Variants in BLTP1 observed in about 807,000 individuals in gnomAD.
BLTP1 encodes bridge-like lipid transfer protein family member 1, also known as fragile site-associated protein.
chr4:122,317,448 C>T, the BLTP1 span, among the ~76,000 whole-genome samples: 1 of 152,000 alleles, frequency 6.6e-6, no homozygotes, highest in Admixed American at 6.6e-5. Context: ...TGTATTTACT[C>T]TTATATGTAT....
the BLTP1 span, chr4:122,349,568 T>C: frequency 1.2e-6 from 2 of 1,612,524 alleles, no homozygotes; most frequent in East Asian, 4.5e-5. This position sits in a 1 kb window ranked among gnomAD's most constrained non-coding sequence, Gnocchi z 4.5. Flanking sequence ...TCTTCAGTAA[T>C]GCTGATCTTA....
At chr4:122,352,885 T>C in the BLTP1 span, 5 of 1,612,262 alleles carry the variant, frequency 3.1e-6, no homozygotes, top group Non-Finnish European at 4.2e-6. Flanking sequence ...AGGATATGTG[T>C]TTTTTGGTTT....
chr4:122,282,111 T>G, the BLTP1 span: 1 of 978,676 alleles, frequency 1.0e-6, no homozygotes, highest in Non-Finnish European at 1.2e-6. Context: ...TCACATTGGG[T>G]TCATTTAGCT....
At chr4:122,352,424 A>G in the BLTP1 span, among the ~76,000 whole-genome samples, 1 of 141,362 alleles carries the variant, frequency 7.1e-6, no homozygotes, top group Non-Finnish European at 1.5e-5. Flanking sequence ...CAGTGGCACG[A>G]TCTCAGCTCA....
the BLTP1 span, chr4:122,244,718 A>T: frequency 1.6e-6 from 1 of 630,062 alleles, no homozygotes; most frequent in African/African-American, 2.0e-5. Flanking sequence ...TATACTATTA[A>T]GATTCTTATG....
chr4:122,208,359 C>G, the BLTP1 span: 7 of 979,648 alleles, frequency 7.1e-6, no homozygotes, highest in African/African-American at 1.2e-4. Context: ...TTTAACCACT[C>G]TACCTTGCTG....
At chr4:122,162,657 A>T in the BLTP1 span, 3 of 985,016 alleles carry the variant, frequency 3.0e-6, no homozygotes. Flanking sequence ...GCTAGCTGTT[A>T]TTAACACAAA....
chr4:122,282,013 C>T, the BLTP1 span: 7 of 981,880 alleles, frequency 7.1e-6, no homozygotes, highest in Non-Finnish European at 8.5e-6. Flanking sequence ...CTATGGAGGC[C>T]ATTTCTCCAA....
At chr4:122,154,555 A>G in the BLTP1 span, 1 of 877,998 alleles carries the variant, frequency 1.1e-6, no homozygotes, top group Non-Finnish European at 1.4e-6. Context: ...TAATCTACCT[A>G]TGTTTGTAAA....
chr4:122,167,544 G>A, the BLTP1 span: 12 of 339,712 alleles, frequency 3.5e-5, no homozygotes, highest in Non-Finnish European at 5.0e-5. Context: ...TAATCTGGTT[G>A]CTTCTCCTGT....
chr4:122,353,911 T>A, the BLTP1 span: 1 of 1,613,996 alleles, frequency 6.2e-7, no homozygotes, highest in Non-Finnish European at 8.5e-7. This position sits in a 1 kb window ranked among gnomAD's most constrained non-coding sequence, Gnocchi z 4.3. Context: ...TGGAAAGTCC[T>A]ATGGCAACAA....
chr4:122,172,531 T>G, the BLTP1 span: 1 of 168,060 alleles, frequency 6.0e-6, no homozygotes, highest in African/African-American at 2.4e-5. Context: ...ACAGGTGGCC[T>G]ATTTGATATG....
At chr4:122,155,840 G>A in the BLTP1 span, 1 of 174,518 alleles carries the variant, frequency 5.7e-6, no homozygotes, top group Non-Finnish European at 1.1e-5. Context: ...TATCCAGGTG[G>A]GAAATGAGAA....
the BLTP1 span, chr4:122,174,127 G>A: frequency 1.2e-6 from 1 of 868,824 alleles, no homozygotes; most frequent in Non-Finnish European, 1.4e-6. Flanking sequence ...TGACTGGAGA[G>A]AACCATTCTA....
chr4:122,153,865 G>GTT, the BLTP1 span: 1 of 361,578 alleles, frequency 2.8e-6, no homozygotes, highest in Non-Finnish European at 3.8e-6. Context: ...AGGAGTATTT[G>GTT]TTGTTTGGAA....
At chr4:122,215,628 GTATT>G in the BLTP1 span, 4 of 925,788 alleles carry the variant, frequency 4.3e-6, no homozygotes, top group Non-Finnish European at 5.2e-6. Flanking sequence ...GGTGGAATGT[GTATT>G]TCATAAAGGC....
At chr4:122,249,941 T>C in the BLTP1 span, 1 of 983,086 alleles carries the variant, frequency 1.0e-6, no homozygotes, top group African/African-American at 1.7e-5. Context: ...CCAAATAAAA[T>C]ATAAAGCCAC....
At chr4:122,187,883 T>A in the BLTP1 span, 19,203 of 1,562,298 alleles carry the variant, frequency 0.012, 125 homozygotes, top group Non-Finnish European at 0.014. Flanking sequence ...CTGTTTATTT[T>A]TTTTTTTTTA....
chr4:122,214,935 A>T, the BLTP1 span, among the ~76,000 whole-genome samples: 1 of 152,122 alleles, frequency 6.6e-6, no homozygotes, highest in East Asian at 1.9e-4. Context: ...TTAGGAAATT[A>T]ACTAATAGAT....
Sources: allele counts gnomAD v4.1 joint callset (sites outside exome capture counted in the v4.1 genomes callset), GRCh38; gene constraint gnomAD v4.1.1; non-coding constraint Gnocchi (gnomAD v3.1); transcripts MANE v1.5; gene names NCBI Gene and HGNC (gene_info 2026-07-23, HGNC 2026-07-21).